TENM1: variants seen among roughly 807,000 people sequenced by gnomAD.
TENM1 encodes teneurin-1.
A neutral mutation model predicts 174.8 loss-of-function variants in TENM1; 35 were observed. That is an observed-to-expected ratio of 0.20 (90% CI 0.15 to 0.27). TENM1 has a LOEUF of 0.27. Among genes scored for constraint, TENM1 ranks in the 10% least tolerant of loss-of-function variants. TENM1 has a pLI of 1.00. For missense variants in TENM1, 1,633 were observed against 2,130.1 expected (o/e 0.77, Z 4.59); for synonymous variants, 781 against 798.7 (o/e 0.98, Z 0.37).
chrX:124,448,456 A>AG (rs1446579576), intron 23 of TENM1, among the ~76,000 whole-genome samples: 7 of 111,800 alleles, frequency 6.3e-5, no homozygotes, highest in Non-Finnish European at 1.3e-4. Flanking sequence ...TCCATGCAAC[A>AG]GCTAGAATGA....
intron 23 of TENM1, among the ~76,000 whole-genome samples, chrX:124,442,548 C>T (rs1195055841): frequency 2.7e-5 from 3 of 111,817 alleles, no homozygotes; most frequent in African/African-American, 9.8e-5. Context: ...CAGTATCACT[C>T]AGGATGATGA....
chrX:124,718,854 A>C (rs1358041275), intron 4 of TENM1, among the ~76,000 whole-genome samples: 2 of 112,215 alleles, frequency 1.8e-5, no homozygotes, highest in Non-Finnish European at 3.8e-5. Flanking sequence ...CTACAAAAAA[A>C]GTGTTTCTCA....
chrX:124,637,070 TTTTTC>T (rs922137296), intron 11 of TENM1, among the ~76,000 whole-genome samples: 4 of 110,298 alleles, frequency 3.6e-5, no homozygotes. Context: ...GCTATTTTCT[TTTTTC>T]TTTTCTTTTC....
In TENM1 at chrX:124,865,577, TAGA is replaced by T. The variant is rs756530132; in HGVS notation, c.535+28716_535+28718del. Among the ~76,000 whole-genome samples the T allele has an allele frequency of 9.9e-5, 11 of 111,537 alleles. 1 individual carries two copies. Among genetic ancestry groups the T allele is most frequent in the Admixed American group, 8.6e-4 (9 of 10,504 alleles). On this transcript the variant is annotated intron_variant, in intron 3 of 31. Transcript: ENST00000422452. ...TATCACCAGAGAATATCATCTTCAC[TAGA>T]AGAAGACAGAAAGGAAAGAAGAAAG...
the TENM1 span, among the ~76,000 whole-genome samples, chrX:125,155,653 C>T: frequency 2.3e-5 from 2 of 87,863 alleles, no homozygotes; most frequent in African/African-American, 4.3e-5. Flanking sequence ...GGCGAGAAAT[C>T]GAGCGCAGCA....
At chrX:124,880,852 T>C (rs1664155868) in intron 3 of TENM1, among the ~76,000 whole-genome samples, 2 of 112,267 alleles carry the variant, frequency 1.8e-5, no homozygotes, top group Non-Finnish European at 3.8e-5. Context: ...TTTGCATATA[T>C]TGAACCATCT....
intron 3 of TENM1, among the ~76,000 whole-genome samples, chrX:124,805,211 G>T (rs2055562578): frequency 8.9e-6 from 1 of 112,106 alleles, no homozygotes; most frequent in Non-Finnish European, 1.9e-5. Context: ...TAGCCTTGAA[G>T]GATGGCAAAA....
intron 11 of TENM1, among the ~76,000 whole-genome samples, chrX:124,641,056 T>C (rs1345135945): frequency 9.1e-6 from 1 of 109,843 alleles, no homozygotes; most frequent in African/African-American, 3.3e-5. Context: ...GATGGACGGG[T>C]TGGATTTCAC....
At chrX:124,896,474 C>CA (rs1454796955) in intron 1 of TENM1, among the ~76,000 whole-genome samples, 1 of 110,921 alleles carries the variant, frequency 9.0e-6, no homozygotes, top group Non-Finnish European at 1.9e-5. Flanking sequence ...AAAGCGCGCC[C>CA]AAAATAGTTC....
chrX:124,644,564 G>A (rs2051108774), intron 10 of TENM1, among the ~76,000 whole-genome samples: 1 of 110,307 alleles, frequency 9.1e-6, no homozygotes, highest in African/African-American at 3.3e-5. Context: ...AAATTTTGGG[G>A]GGATAAAGAC....
chrX:124,414,985 C>T (rs759960178), intron 25 of TENM1, among the ~76,000 whole-genome samples: 12 of 111,602 alleles, frequency 1.1e-4, no homozygotes, highest in Non-Finnish European at 2.1e-4. Flanking sequence ...GGGAATTACT[C>T]GAGTTCTTTT....
the TENM1 span, among the ~76,000 whole-genome samples, chrX:125,193,411 G>A: frequency 8.9e-6 from 1 of 111,859 alleles, no homozygotes; most frequent in Admixed American, 9.5e-5. Flanking sequence ...TTTAGAGATG[G>A]GGTCTTGCTA....
At chrX:124,431,936 T>C (rs1304343691) in intron 23 of TENM1, among the ~76,000 whole-genome samples, 1 of 112,156 alleles carries the variant, frequency 8.9e-6, no homozygotes, top group Non-Finnish European at 1.9e-5. Context: ...GCATTGTTCA[T>C]TGCAAATGAA....
chrX:125,118,511 T>C, the TENM1 span, among the ~76,000 whole-genome samples: 1 of 111,795 alleles, frequency 8.9e-6, no homozygotes, highest in Non-Finnish European at 1.9e-5. Flanking sequence ...GCAATACATA[T>C]ATCTGGCAAA....
intron 3 of TENM1, among the ~76,000 whole-genome samples, chrX:124,810,693 A>T (rs2147265067): frequency 8.9e-6 from 1 of 111,734 alleles, no homozygotes; most frequent in South Asian, 3.7e-4. Flanking sequence ...ATAGAAAAAA[A>T]ATTCTAAAAT....
chrX:125,092,144 G>A, the TENM1 span, among the ~76,000 whole-genome samples: 6 of 110,287 alleles, frequency 5.4e-5, no homozygotes, highest in Admixed American at 1.9e-4. Flanking sequence ...AAATTATGCC[G>A]CACCCTTGTA....
chrX:125,203,606 GAGA>G, the TENM1 span, among the ~76,000 whole-genome samples: 2 of 112,564 alleles, frequency 1.8e-5, no homozygotes, highest in Non-Finnish European at 3.8e-5. Flanking sequence ...CGGAGACCGG[GAGA>G]AGAAGGATGC....
intron 18 of TENM1, among the ~76,000 whole-genome samples, chrX:124,507,347 G>A (rs1191569286): frequency 2.7e-5 from 3 of 111,086 alleles, no homozygotes; most frequent in African/African-American, 9.8e-5. Context: ...AATTTCATCT[G>A]GATTTCTGCC....
At chrX:124,650,488 G>GA (rs1314990344) in intron 8 of TENM1, among the ~76,000 whole-genome samples, 2 of 111,343 alleles carry the variant, frequency 1.8e-5, no homozygotes, top group Admixed American at 9.6e-5. Context: ...TAAGGGACAG[G>GA]AAAAAACCTC....
Sources: gnomAD v4.1 joint callset for allele counts (sites outside exome capture counted in the v4.1 genomes callset) on GRCh38, gnomAD v4.1.1 for gene constraint, MANE v1.5 for transcripts, NCBI Gene and HGNC (gene_info 2026-07-23, HGNC 2026-07-21) for gene names.